The following SCLT1 variants were observed in gnomAD, a reference collection of about 807,000 sequenced individuals.
SCLT1 encodes the protein sodium channel-associated protein 1.
SCLT1 carries 78 observed loss-of-function variants against 112.8 expected under a neutral mutation model. That is an observed-to-expected ratio of 0.69 (90% CI 0.58 to 0.83). The LOEUF (loss-of-function observed/expected upper bound fraction) is 0.83. Among genes scored for constraint, SCLT1 ranks in the 40% least tolerant of loss-of-function variants. The probability of loss-of-function intolerance (pLI) is 0.00; values close to 1 mark genes in which losing one functional copy is unlikely to be tolerated. For synonymous variants in SCLT1, 257 were observed against 254.7 expected (o/e 1.01, Z -0.09); for missense variants, 747 against 770.4 (o/e 0.97, Z 0.36).
At chr4:128,958,611 A>G (rs1739413798) in intron 12 of SCLT1, among the ~76,000 whole-genome samples, 1 of 152,174 alleles carries the variant, frequency 6.6e-6, no homozygotes, top group South Asian at 2.1e-4. Flanking sequence ...TCATACAAGT[A>G]GGCTTCAGAG....
intron 5 of SCLT1, among the ~76,000 whole-genome samples, chr4:129,033,466 C>A (rs1443118981): frequency 1.7e-5 from 2 of 118,210 alleles, no homozygotes; most frequent in African/African-American, 6.4e-5. Flanking sequence ...ATGTAACAAA[C>A]CTGCATGTTC....
downstream of SCLT1, among the ~76,000 whole-genome samples, chr4:128,879,366 G>T (rs1162338760): frequency 1.3e-5 from 2 of 151,926 alleles, no homozygotes; most frequent in South Asian, 2.1e-4. Flanking sequence ...TGACCCAGAT[G>T]AATTACATCC....
chr4:128,939,989 C>T (rs146691530), intron 17 of SCLT1, among the ~76,000 whole-genome samples: 3 of 152,198 alleles, frequency 2.0e-5, no homozygotes, highest in East Asian at 1.9e-4. Context: ...TTAAGACGTT[C>T]GGCTCTTTAT....
chr4:129,039,930 AC>A (rs1363216764), intron 4 of SCLT1: 15 of 458,076 alleles, frequency 3.3e-5, no homozygotes, highest in East Asian at 2.2e-4. Context: ...ACACACACAC[AC>A]AAAACCCTGA....
rs567884521 is a variant in SCLT1 at position 128,894,846 on chromosome 4, T to A, written c.1830-3709A>T. Among the ~76,000 whole-genome samples the A allele has an allele frequency of 9.9e-5, 15 of 152,062 alleles. No individual in the cohort carries two copies. In the East Asian group the frequency reaches 2.9e-3, roughly 30 times the overall value. On this transcript the variant is annotated intron_variant, in intron 18 of 20. Transcript: ENST00000281142. Reference sequence around the variant, plus strand: ...GCACCCACCACCATGCCCAACTAATTTTTGTATTTTTAGTAGAGATGGGGT... The same window carrying A: ...GCACCCACCACCATGCCCAACTAATATTTGTATTTTTAGTAGAGATGGGGT...
In SCLT1 at chr4:128,943,062, C is replaced by T. The variant is rs781715126; in HGVS notation, c.1566G>A (p.Gln522=). The part of the protein sequence containing the change: ...QRLKLQQENK[Q]LRKETESLRK... ...TTAAACTCTCAGTCTCTTTCCGTAA[C>T]TGTTTATTTTCTTGCTGAAGTTTTA... The change falls in exon 17 of 21, where the codon CAG becomes CAA. Residue 522 remains glutamine, a synonymous_variant. Transcript: ENST00000281142. The T allele has an allele frequency of 1.2e-6, 2 of 1,613,174 alleles. No homozygotes were observed. Among genetic ancestry groups the T allele is most frequent in the Non-Finnish European group, 1.7e-6 (2 of 1,179,512 alleles).
At chr4:129,007,103 A>G (rs1419447671) in intron 5 of SCLT1, among the ~76,000 whole-genome samples, 1 of 152,214 alleles carries the variant, frequency 6.6e-6, no homozygotes, top group East Asian at 1.9e-4. Flanking sequence ...CACTGTCATC[A>G]AAGAACATAA....
chr4:129,033,572 T>C (rs1416421694), intron 5 of SCLT1, among the ~76,000 whole-genome samples: 1 of 105,766 alleles, frequency 9.5e-6, no homozygotes, highest in African/African-American at 3.6e-5. Flanking sequence ...TAAAATTGGA[T>C]AATATAAAAA....
chr4:128,888,780 A>G lies in SCLT1; in HGVS notation c.1909-6T>C. On this transcript the variant is annotated splice_polypyrimidine_tract_variant and splice_region_variant and intron_variant, in intron 19 of 20. Transcript: ENST00000281142. The stretch of plus-strand genomic sequence containing the variant: ...TCTAGAATTAGCTTTTCATTCTATT[A>G]AGGGGAAATAGAAAACAAGTTAGAA... 1 of 1,551,538 alleles carries G rather than the reference A, an allele frequency of 6.4e-7. No individual in the cohort carries two copies. The highest frequency in any genetic ancestry group is 1.1e-5 in the South Asian group (1 of 88,410).
intron 9 of SCLT1, among the ~76,000 whole-genome samples, chr4:128,972,630 G>T (rs923248649): frequency 6.6e-6 from 1 of 152,180 alleles, no homozygotes; most frequent in African/African-American, 2.4e-5. Flanking sequence ...TCTAGAATTA[G>T]ATTCTTTCCT....
At chr4:128,885,353 A>C (rs997591087) in intron 20 of SCLT1, among the ~76,000 whole-genome samples, 1 of 152,186 alleles carries the variant, frequency 6.6e-6, no homozygotes, top group Admixed American at 6.5e-5. Flanking sequence ...CACTATTTCC[A>C]GTTTTAAAGT....
chr4:129,023,980 C>G (rs868336986), intron 5 of SCLT1, among the ~76,000 whole-genome samples: 1 of 152,188 alleles, frequency 6.6e-6, no homozygotes, highest in Non-Finnish European at 1.5e-5. Context: ...GGCAGCGAGG[C>G]TGGGGGAGGG....
In SCLT1 at chr4:128,999,627, C is replaced by T. The variant is rs185715993; in HGVS notation, c.549+45G>A. 2.3e-5 allele frequency: 35 copies of T among 1,511,684 alleles called. No homozygotes were observed. The African/African-American group carries it at 4.4e-4, about 19-fold the overall frequency. The allele number at this position is 1,511,684 out of a possible 1,614,324, so 93.6% of individuals were successfully genotyped here. A position where few individuals can be genotyped will look rare whatever the true frequency, so the allele number is the denominator to read the frequency against. Reference sequence around the variant, plus strand: ...CCTCTAAAACAGTTTCTTCAGAGTGCAATTTCTTATTGATATACAAGAAAA... The same window carrying T: ...CCTCTAAAACAGTTTCTTCAGAGTGTAATTTCTTATTGATATACAAGAAAA... On this transcript the variant is annotated intron_variant, in intron 7 of 20. Coordinates refer to ENST00000281142, the MANE Select transcript of SCLT1 (RefSeq NM_144643.4).
intron 5 of SCLT1, among the ~76,000 whole-genome samples, chr4:129,006,402 G>T (rs1003442326): frequency 6.6e-6 from 1 of 152,036 alleles, no homozygotes; most frequent in East Asian, 1.9e-4. Flanking sequence ...GCCGGGCATG[G>T]TGGCGTGTGC....
chr4:128,940,015 T>C (rs1362674553), intron 17 of SCLT1, among the ~76,000 whole-genome samples: 1 of 152,136 alleles, frequency 6.6e-6, no homozygotes, highest in African/African-American at 2.4e-5. Flanking sequence ...GCTATTCTCT[T>C]AAGCTAGATA....
chr4:129,047,169 G>A (rs1183530034), intron 2 of SCLT1, among the ~76,000 whole-genome samples: 1 of 151,982 alleles, frequency 6.6e-6, no homozygotes, highest in Admixed American at 6.6e-5. Flanking sequence ...TAGTGCTTAT[G>A]TGCTGTTTAA....
At position 128,931,493 on chromosome 4, in the gene SCLT1, C is replaced by A. The variant is rs62317930; in HGVS notation, c.1829+5162G>T. On this transcript the variant is annotated intron_variant, in intron 18 of 20. Transcript: ENST00000281142. ...TTTATTTTATTTTGAGAGGGAGTCT[C>A]ACTCTGTCGCCCAGGCTGGAGTGCA... Among the ~76,000 whole-genome samples, 1,347 of 152,188 alleles carry A rather than the reference C, an allele frequency of 8.9e-3. 15 individuals are homozygous for A. Among genetic ancestry groups the A allele is most frequent in the Admixed American group, 0.016 (251 of 15,280 alleles).
rs72924151 is a variant in SCLT1, at chr4:129,014,925, C to A, written c.291-11049G>T. 4.5e-4 allele frequency among the ~76,000 whole-genome samples: 68 copies of A among 152,072 alleles called. 1 individual carries two copies. The highest frequency in any genetic ancestry group is 1.6e-3 in the African/African-American group (65 of 41,480). On this transcript the variant is annotated intron_variant, in intron 5 of 20. Transcript: ENST00000281142. ...TGTGGGGGGCCCCTACTGGTGACTACGTGGGTGGTCGTGCAGGTGGTGGTG... is the reference window on the plus strand; with the variant it reads ...TGTGGGGGGCCCCTACTGGTGACTAAGTGGGTGGTCGTGCAGGTGGTGGTG...
intron 2 of SCLT1, among the ~76,000 whole-genome samples, chr4:129,062,181 T>C (rs767663077): frequency 9.2e-5 from 14 of 152,072 alleles, no homozygotes; most frequent in Admixed American, 5.2e-4. Context: ...CAGTTGGGGG[T>C]TGGTGTAATG....
Sources: gnomAD v4.1 joint callset for allele counts (sites outside exome capture counted in the v4.1 genomes callset) on GRCh38, gnomAD v4.1.1 for gene constraint, MANE v1.5 for transcripts, NCBI Gene and HGNC (gene_info 2026-07-23, HGNC 2026-07-21) for gene names.